Variants in TRAFD1 observed in about 807,000 individuals in gnomAD.
TRAFD1 encodes the protein TRAF-type zinc finger domain-containing protein 1.
A neutral mutation model predicts 65.3 loss-of-function variants in TRAFD1; 38 were observed. The observed-to-expected ratio is 0.58, with a 90% CI of 0.45 to 0.76. The LOEUF (loss-of-function observed/expected upper bound fraction) is 0.76, where lower values mean the gene tolerates loss of function less well. Among genes scored for constraint, TRAFD1 ranks in the 30% least tolerant of loss-of-function variants. The pLI, the probability that TRAFD1 is intolerant of heterozygous loss-of-function variation, is 0.00. For missense variants in TRAFD1, 631 were observed against 712.6 expected (o/e 0.89, Z 1.30); for synonymous variants, 223 against 257.2 (o/e 0.87, Z 1.27).
At chr12:112,139,201 CTAGCT>C (rs2030014483) in intron 4 of TRAFD1, among the ~76,000 whole-genome samples, 1 of 151,328 alleles carries the variant, frequency 6.6e-6, no homozygotes, top group Non-Finnish European at 1.5e-5. Context: ...AACAAAAAAC[CTAGCT>C]AGGCATGATG....
chr12:112,148,757 T>C (rs1354347723), intron 8 of TRAFD1, among the ~76,000 whole-genome samples: 1 of 152,230 alleles, frequency 6.6e-6, no homozygotes, highest in Non-Finnish European at 1.5e-5. Flanking sequence ...AAGTCATTTT[T>C]CAGCATTTAC....
Position 112,138,741 on chromosome 12 carries a change from C to T in TRAFD1, c.238-2078C>T, listed in dbSNP as rs545569585. ...GGTGTGGTGGTAGGCTCCTGTAATC[C>T]CAGCTACTTGGGAGGCTGAGGCAGG... On this transcript the variant is annotated intron_variant, in intron 4 of 11. Coordinates refer to ENST00000412615, the MANE Select transcript of TRAFD1 (RefSeq NM_006700.3). 4.9e-4 allele frequency among the ~76,000 whole-genome samples: 75 copies of T among 151,556 alleles called. 1 individual carries two copies. The South Asian group carries it at 0.014, about 27-fold the overall frequency.
At chr12:112,146,483 A>G (rs1432894616) in intron 7 of TRAFD1, among the ~76,000 whole-genome samples, 2 of 152,120 alleles carry the variant, frequency 1.3e-5, no homozygotes, top group African/African-American at 4.8e-5. Context: ...CCGTTTTGTG[A>G]TCTGGTCTCA....
rs763133845 is a variant in TRAFD1, at chr12:112,141,237, T to G, written c.643+13T>G. On this transcript the variant is annotated intron_variant, in intron 5 of 11. Coordinates refer to ENST00000412615, the MANE Select transcript of TRAFD1 (RefSeq NM_006700.3). ...CAGAATAATCTGTGTGAGTTGTGCT[T>G]GGGATTAGGGAACTAGAATGGTATC... is the stretch of plus-strand genomic sequence containing the variant. The G allele has an allele frequency of 4.3e-6, 7 of 1,612,258 alleles. No individual in the cohort carries two copies. In the Admixed American group the frequency reaches 1.2e-4, roughly 27 times the overall value.
intron 4 of TRAFD1, among the ~76,000 whole-genome samples, chr12:112,136,448 T>A (rs1487285702): frequency 2.5e-4 from 38 of 151,768 alleles, no homozygotes. Context: ...CCTGGCTAAT[T>A]TTTTTTGTAT....
intron 4 of TRAFD1, chr12:112,140,146 C>T (rs544516017): frequency 2.4e-5 from 8 of 339,048 alleles, no homozygotes; most frequent in Non-Finnish European, 2.3e-5. Context: ...GGAGGCCGGG[C>T]GTGGTGGCTC....
At chr12:112,148,947 G>A (rs1356176325) in intron 8 of TRAFD1, among the ~76,000 whole-genome samples, 1 of 152,170 alleles carries the variant, frequency 6.6e-6, no homozygotes, top group Non-Finnish European at 1.5e-5. Context: ...GCCAGGCATG[G>A]TGGCTTATGC....
At chr12:112,136,739 C>T (rs2029923254) in intron 4 of TRAFD1, among the ~76,000 whole-genome samples, 1 of 152,172 alleles carries the variant, frequency 6.6e-6, no homozygotes, top group South Asian at 2.1e-4. Context: ...GTATAGGCCT[C>T]TATGCCTGAC....
chr12:112,151,722 C>A (rs1387518100), intron 9 of TRAFD1, 79 bp from the exon 10 acceptor site: 4 of 1,394,456 alleles, frequency 2.9e-6, no homozygotes, highest in Non-Finnish European at 2.9e-6. Flanking sequence ...TATCTGGAAT[C>A]TTTTTGTTCC....
At chr12:112,149,429 C>G (rs1330693060) in intron 8 of TRAFD1, 2 of 239,790 alleles carry the variant, frequency 8.3e-6, no homozygotes, top group African/African-American at 4.5e-5. Flanking sequence ...ACTCCTTGTT[C>G]TACTCTTTTC....
Position 112,152,037 on chromosome 12 carries a change from ATAGCCC to A in TRAFD1, c.1517_1522del (p.Ile506_Pro508delinsThr), listed in dbSNP as rs2030424300. ...GAATCGAGACAGCCAGAATGGGGCC[ATAGCCC>A]CTGGGCACGTTTCAGTGATTCGCCC... On this transcript the variant is annotated inframe_deletion, in exon 10 of 12. Coordinates refer to ENST00000412615, the MANE Select transcript of TRAFD1 (RefSeq NM_006700.3). This position sits in a 1 kb window ranked among gnomAD's most constrained non-coding sequence, Gnocchi z 5.0. The A allele has an allele frequency of 1.2e-6, 2 of 1,614,134 alleles. No homozygotes were observed. The highest frequency in any genetic ancestry group is 2.2e-5 in the South Asian group (2 of 91,092).
At chr12:112,149,441 C>T (rs2030340722) in intron 8 of TRAFD1, 1 of 243,922 alleles carries the variant, frequency 4.1e-6, no homozygotes, top group South Asian at 5.3e-5. Flanking sequence ...ACTCTTTTCC[C>T]CGTTCTCACT....
Position 112,152,014 on chromosome 12 carries a change from A to C in TRAFD1, c.1493A>C (p.Asn498Thr), listed in dbSNP as rs1193042142. 4.3e-6 allele frequency: 7 copies of C among 1,614,126 alleles called. No individual in the cohort carries two copies. The highest frequency in any genetic ancestry group is 5.9e-6 in the Non-Finnish European group (7 of 1,180,050). ...NSDSQDIQGR[N>T]RDSQNGAIAP... ...GACAGCCAGGACATCCAGGGGCGGA[A>C]TCGAGACAGCCAGAATGGGGCCATA... The change falls in exon 10 of 12, where the codon AAT becomes ACT. Residue 498 changes from asparagine to threonine, a missense_variant. Transcript: ENST00000412615. This position sits in a 1 kb window ranked among gnomAD's most constrained non-coding sequence, Gnocchi z 5.0.
At chr12:112,136,706 T>C (rs927695612) in intron 4 of TRAFD1, among the ~76,000 whole-genome samples, 1 of 152,216 alleles carries the variant, frequency 6.6e-6, no homozygotes, top group African/African-American at 2.4e-5. Flanking sequence ...TCAAATGATC[T>C]ACCTGCATAG....
In TRAFD1 at chr12:112,152,933, C is replaced by T. The variant is rs2030450899; in HGVS notation, c.*142C>T. ...TTTCTAGGTTATGGCCATTTTGTGTCTTTTGAGGTTGTGCTGTGGGGGTTT... is the reference window on the plus strand; with the variant it reads ...TTTCTAGGTTATGGCCATTTTGTGTTTTTTGAGGTTGTGCTGTGGGGGTTT... On this transcript the variant is annotated 3_prime_UTR_variant, in exon 12 of 12. Transcript: ENST00000412615. This position sits in a 1 kb window ranked among gnomAD's most constrained non-coding sequence, Gnocchi z 5.0. The T allele has an allele frequency of 1.1e-6, 1 of 917,658 alleles. No homozygotes were observed. The highest frequency in any genetic ancestry group is 1.7e-5 in the African/African-American group (1 of 59,378). The allele number at this position is 917,658 out of a possible 1,614,324, so 56.8% of individuals were successfully genotyped here. A position where few individuals can be genotyped will look rare whatever the true frequency, so the allele number is the denominator to read the frequency against.
chr12:112,133,519 C>T (rs1259116882), intron 2 of TRAFD1, among the ~76,000 whole-genome samples: 3 of 152,076 alleles, frequency 2.0e-5, no homozygotes, highest in Non-Finnish European at 4.4e-5. Context: ...TTAAAATAAT[C>T]CTGGAGCGTA....
intron 2 of TRAFD1, among the ~76,000 whole-genome samples, chr12:112,131,054 T>C (rs1399247580): frequency 6.6e-6 from 1 of 152,232 alleles, no homozygotes; most frequent in Non-Finnish European, 1.5e-5. Flanking sequence ...CTTCTCAGCC[T>C]AACTTTGGCA....
rs147745928 is a variant in TRAFD1, at chr12:112,151,825, A to C, written c.1304A>C (p.Asp435Ala). The stretch of plus-strand genomic sequence containing the variant: ...GGAGACCTGTCTTCTGGTTACCTGG[A>C]TGATACTAAGCAGGAAACAGCTAAT... ...HQGDLSSGYL[D>A]DTKQETANGP... The change falls in exon 10 of 12, where the codon GAT (aspartate) becomes GCT (alanine). Residue 435 changes from aspartate to alanine, a missense_variant. Asp to Ala is a moderately radical substitution (Grantham distance 126). Coordinates refer to ENST00000412615, the MANE Select transcript of TRAFD1 (RefSeq NM_006700.3). The C allele has an allele frequency of 5.6e-6, 9 of 1,613,822 alleles. No homozygotes were observed. The Middle Eastern group carries it at 1.5e-3, about 266-fold the overall frequency.
Position 112,130,480 on chromosome 12 carries a change from GA to G in TRAFD1, c.-12-28del. The G allele has an allele frequency of 6.3e-7, 1 of 1,575,054 alleles. No homozygotes were observed. On this transcript the variant is annotated intron_variant, in intron 1 of 11. Transcript: ENST00000412615. This position sits in a 1 kb window ranked among gnomAD's most constrained non-coding sequence, Gnocchi z 4.4. The stretch of plus-strand genomic sequence containing the variant: ...TCATCTTTAAAGCAGAAATGAAAGA[GA>G]AAGTTCATGTCTTCCTTTGTGGTTT...
Sources: gnomAD v4.1 joint callset for allele counts (sites outside exome capture counted in the v4.1 genomes callset) on GRCh38, gnomAD v4.1.1 for gene constraint, Gnocchi (gnomAD v3.1) non-coding constraint, MANE v1.5 for transcripts, NCBI Gene and HGNC (gene_info 2026-07-23, HGNC 2026-07-21) for gene names.